The following HS6ST3 variants were observed in gnomAD, a reference collection of about 807,000 sequenced individuals.
HS6ST3 encodes the protein heparan-sulfate 6-O-sulfotransferase 3.
Under a neutral mutation model 36.7 loss-of-function variants are expected in HS6ST3, and 12 were observed. The observed-to-expected ratio is 0.33, with a 90% CI of 0.21 to 0.53. The LOEUF is 0.53. Ranked by LOEUF, HS6ST3 falls within the 20% of genes least tolerant of loss-of-function variation. The pLI is 0.95. For missense variants in HS6ST3, 584 were observed against 640.9 expected (o/e 0.91, Z 0.96); for synonymous variants, 240 against 257.5 (o/e 0.93, Z 0.65).
At chr13:96,769,947 T>C (rs1877221473) in intron 1 of HS6ST3, among the ~76,000 whole-genome samples, 1 of 152,192 alleles carries the variant, frequency 6.6e-6, no homozygotes, top group African/African-American at 2.4e-5. Flanking sequence ...CCTTAATGCC[T>C]CTACACATGG....
intron 1 of HS6ST3, among the ~76,000 whole-genome samples, chr13:96,404,134 GTTTTAACACTCAACCA>G (rs2055465179): frequency 6.6e-6 from 1 of 152,102 alleles, no homozygotes; most frequent in Non-Finnish European, 1.5e-5. Flanking sequence ...AAGTCCATAC[GTTTTAACACTCAACCA>G]TTTTTCCAAA....
chr13:96,802,376 A>T (rs1440320845), intron 1 of HS6ST3, among the ~76,000 whole-genome samples: 1 of 152,152 alleles, frequency 6.6e-6, no homozygotes, highest in Non-Finnish European at 1.5e-5. Flanking sequence ...CTGTCTGTAC[A>T]TTTGTGTTTG....
At chr13:96,354,386 A>G (rs1229106548) in intron 1 of HS6ST3, among the ~76,000 whole-genome samples, 1 of 152,182 alleles carries the variant, frequency 6.6e-6, no homozygotes, top group Non-Finnish European at 1.5e-5. Context: ...AGAGCTATTG[A>G]GAAGTAGGAC....
chr13:96,388,327 T>G (rs777257018), intron 1 of HS6ST3, among the ~76,000 whole-genome samples: 1 of 152,174 alleles, frequency 6.6e-6, no homozygotes, highest in Non-Finnish European at 1.5e-5. Flanking sequence ...AAGGATGGTG[T>G]GTTGTATAGT....
intron 1 of HS6ST3, among the ~76,000 whole-genome samples, chr13:96,381,394 G>GTATCTATC (rs1263272767): frequency 1.4e-3 from 72 of 52,434 alleles, no homozygotes; most frequent in African/African-American, 3.8e-3. Context: ...ATGTATCTAT[G>GTATCTATC]TATCTATGTA....
chr13:96,768,089 C>T (rs1358541586), intron 1 of HS6ST3, among the ~76,000 whole-genome samples: 1 of 152,140 alleles, frequency 6.6e-6, no homozygotes, highest in African/African-American at 2.4e-5. Context: ...TTCAGGCAGA[C>T]ACAGTAGAGT....
At chr13:96,250,914 C>G (rs1364923090) in intron 1 of HS6ST3, among the ~76,000 whole-genome samples, 5 of 152,152 alleles carry the variant, frequency 3.3e-5, no homozygotes, top group African/African-American at 4.8e-5. Flanking sequence ...TTGAGCCATC[C>G]TTGCATCCCA....
chr13:96,446,568 C>T (rs919723675), intron 1 of HS6ST3, among the ~76,000 whole-genome samples: 6 of 152,150 alleles, frequency 3.9e-5, no homozygotes, highest in African/African-American at 7.2e-5. Context: ...TCAGCACTCC[C>T]GACAACCTTG....
intron 1 of HS6ST3, among the ~76,000 whole-genome samples, chr13:96,144,070 G>A (rs1394593899): frequency 6.6e-6 from 1 of 152,056 alleles, no homozygotes; most frequent in African/African-American, 2.4e-5. Flanking sequence ...AGACACAGTG[G>A]GGTCCAAAAT....
chr13:96,399,416 A>G (rs566191425), intron 1 of HS6ST3, among the ~76,000 whole-genome samples: 14 of 152,320 alleles, frequency 9.2e-5, no homozygotes, highest in African/African-American at 3.4e-4. Flanking sequence ...GGTTTAGATT[A>G]ATAGCAAGAT....
At chr13:96,614,596 G>A (rs2056467845) in intron 1 of HS6ST3, among the ~76,000 whole-genome samples, 1 of 152,110 alleles carries the variant, frequency 6.6e-6, no homozygotes, top group Non-Finnish European at 1.5e-5. Flanking sequence ...TCTTTCATGA[G>A]GAAAAATATC....
intron 1 of HS6ST3, among the ~76,000 whole-genome samples, chr13:96,144,453 A>G (rs1594692932): frequency 6.6e-6 from 1 of 152,046 alleles, no homozygotes; most frequent in Non-Finnish European, 1.5e-5. Flanking sequence ...GGAGATTTCC[A>G]TCAGAATTAG....
rs114335277 is a variant in HS6ST3 at position 96,263,712 on chromosome 13, G to A, written c.707+172143G>A. ...AGATTTAGTATAGATTATAGATAGC[G>A]GAAGCCAAGATTCAGACATTTATTA... On this transcript the variant is annotated intron_variant, in intron 1 of 1. Transcript: ENST00000376705. 2.4e-3 allele frequency among the ~76,000 whole-genome samples: 362 copies of A among 152,246 alleles called. 1 individual carries two copies. Among genetic ancestry groups the A allele is most frequent in the African/African-American group, 8.0e-3 (332 of 41,536 alleles).
At chr13:96,565,444 T>C (rs7986622) in intron 1 of HS6ST3, among the ~76,000 whole-genome samples, 165 of 152,216 alleles carry the variant, frequency 1.1e-3, no homozygotes, top group African/African-American at 3.8e-3. Flanking sequence ...ATAGCAGCCA[T>C]GTTAGTATCA....
intron 1 of HS6ST3, among the ~76,000 whole-genome samples, chr13:96,302,194 A>G (rs972009577): frequency 2.6e-5 from 4 of 152,036 alleles, no homozygotes; most frequent in African/African-American, 7.2e-5. Flanking sequence ...CTAAAACTCT[A>G]TTTGACTACC....
intron 1 of HS6ST3, among the ~76,000 whole-genome samples, chr13:96,464,709 C>A (rs762224638): frequency 1.3e-4 from 20 of 151,946 alleles, no homozygotes; most frequent in Non-Finnish European, 2.6e-4. Flanking sequence ...ACTGGAAGGT[C>A]GGTAATATAA....
intron 1 of HS6ST3, among the ~76,000 whole-genome samples, chr13:96,602,469 G>A (rs1020632748): frequency 1.3e-5 from 2 of 152,198 alleles, no homozygotes; most frequent in African/African-American, 4.8e-5. Flanking sequence ...CACACCAGAC[G>A]TCTGAGGCCT....
At chr13:96,239,434 T>C (rs2054550015) in intron 1 of HS6ST3, among the ~76,000 whole-genome samples, 1 of 152,204 alleles carries the variant, frequency 6.6e-6, no homozygotes, top group Non-Finnish European at 1.5e-5. Context: ...TGCACTACTT[T>C]ATATGAAAGA....
At chr13:96,149,949 T>G (rs1594694979) in intron 1 of HS6ST3, among the ~76,000 whole-genome samples, 1 of 152,314 alleles carries the variant, frequency 6.6e-6, no homozygotes, top group African/African-American at 2.4e-5. Context: ...AGTGGTGGTG[T>G]TACGGCATCT....
Sources: gnomAD v4.1 joint callset for allele counts (sites outside exome capture counted in the v4.1 genomes callset) on GRCh38, gnomAD v4.1.1 for gene constraint, MANE v1.5 for transcripts, NCBI Gene and HGNC (gene_info 2026-07-23, HGNC 2026-07-21) for gene names.